The following TSC22D3 variants were observed in gnomAD, a reference collection of about 807,000 sequenced individuals.
TSC22D3 encodes the protein TSC22 domain family member 3.
A neutral mutation model predicts 11.1 loss-of-function variants in TSC22D3; 4 were observed. That is an observed-to-expected ratio of 0.36 (90% CI 0.18 to 0.83). The LOEUF is 0.83. Ranked by LOEUF, TSC22D3 falls within the 40% of genes least tolerant of loss-of-function variation. The pLI is 0.48. For missense variants in TSC22D3, 118 were observed against 159.4 expected (o/e 0.74, Z 1.40); for synonymous variants, 77 against 70.3 (o/e 1.10, Z -0.48).
intron 1 of TSC22D3, among the ~76,000 whole-genome samples, chrX:107,762,101 G>T (rs1298506494): frequency 8.9e-6 from 1 of 112,041 alleles, no homozygotes; most frequent in Non-Finnish European, 1.9e-5. Context: ...ATGGTTTGTT[G>T]TTCGCCACTG....
At chrX:107,774,822 T>C in intron 1 of TSC22D3, 2 of 385,455 alleles carry the variant, frequency 5.2e-6, no homozygotes, top group Non-Finnish European at 9.0e-6. Context: ...TACTTTCAGC[T>C]ACCTCCAAAC....
In TSC22D3 at chrX:107,721,857, A is replaced by G. The variant is rs1170950569; in HGVS notation, c.321-5907T>C. The G allele has an allele frequency of 7.7e-6, 4 of 516,542 alleles. No individual in the cohort carries two copies. The East Asian group carries it at 1.5e-4, about 19-fold the overall frequency. 42.6% of individuals were successfully genotyped at this position (516,542 alleles called of 1,213,427 possible). A position where few individuals can be genotyped will look rare whatever the true frequency, so the allele number is the denominator to read the frequency against. ...AAGCACTGTCTAGTTCTAATTACTTACTTGTCCCTTTTTCTGAAGAGGCTG... is the reference window on the plus strand; with the variant it reads ...AAGCACTGTCTAGTTCTAATTACTTGCTTGTCCCTTTTTCTGAAGAGGCTG... On this transcript the variant is annotated intron_variant, in intron 1 of 2. Coordinates refer to ENST00000372383, the MANE Select transcript of TSC22D3 (RefSeq NM_198057.3).
rs147111138 is a variant in TSC22D3 at position 107,728,058 on chromosome X, A to G, written c.321-12108T>C. On this transcript the variant is annotated intron_variant, in intron 1 of 2. Coordinates refer to ENST00000372383, the MANE Select transcript of TSC22D3 (RefSeq NM_198057.3). ...TGATTGGCTTTCTAGACTAGAATAT[A>G]AACCTTGTGAGGGCAGGGGCTTATC... is the stretch of plus-strand genomic sequence containing the variant. Among the ~76,000 whole-genome samples, 473 of 111,690 alleles carry G rather than the reference A, an allele frequency of 4.2e-3. 2 individuals are homozygous for G. The highest frequency in any genetic ancestry group is 0.015 in the African/African-American group (457 of 30,680).
intron 1 of TSC22D3, among the ~76,000 whole-genome samples, chrX:107,748,830 G>C (rs767297396): frequency 1.1e-4 from 12 of 112,382 alleles, no homozygotes; most frequent in Non-Finnish European, 2.1e-4. Context: ...GCAAATGCGA[G>C]GGATTATTAT....
chrX:107,756,160 C>T (rs368537204), intron 1 of TSC22D3, among the ~76,000 whole-genome samples: 12 of 112,204 alleles, frequency 1.1e-4, no homozygotes, highest in African/African-American at 3.6e-4. Flanking sequence ...TCTGCTAACA[C>T]ACAGTGTAGT....
chrX:107,746,513 C>G (rs768025687), intron 1 of TSC22D3, among the ~76,000 whole-genome samples: 5 of 111,251 alleles, frequency 4.5e-5, no homozygotes, highest in African/African-American at 1.6e-4. Context: ...AGGAGTACTA[C>G]TTCCATATAC....
intron 1 of TSC22D3, among the ~76,000 whole-genome samples, chrX:107,744,838 C>A (rs949479937): frequency 8.9e-6 from 1 of 111,972 alleles, no homozygotes; most frequent in African/African-American, 3.2e-5. Flanking sequence ...ATCTCTCTAA[C>A]TTGACCCAAA....
chrX:107,769,905 A>C (rs1252221837), intron 1 of TSC22D3, among the ~76,000 whole-genome samples: 3 of 112,230 alleles, frequency 2.7e-5, no homozygotes, highest in African/African-American at 9.7e-5. Flanking sequence ...ATGAATGTTA[A>C]GTTTGCAAAT....
chrX:107,736,316 T>C (rs1240868395), intron 1 of TSC22D3, among the ~76,000 whole-genome samples: 6 of 111,665 alleles, frequency 5.4e-5, no homozygotes, highest in Non-Finnish European at 3.8e-5. Flanking sequence ...AGTGATAGAA[T>C]TGGGAACAGG....
chrX:107,714,508 G>A lies in TSC22D3; in HGVS notation c.*11C>T. The A allele has an allele frequency of 8.3e-7, 1 of 1,205,566 alleles. No homozygotes were observed. The highest frequency in any genetic ancestry group is 2.2e-5 in the Admixed American group (1 of 45,870). On this transcript the variant is annotated 3_prime_UTR_variant, in exon 3 of 3. Transcript: ENST00000372383. ...GTTTAGTGGCTCTGCCCACCCTGAG[G>A]ACAGAGCCACTTACACCGCAGAACC...
intron 1 of TSC22D3, among the ~76,000 whole-genome samples, chrX:107,743,000 C>T (rs956776108): frequency 9.0e-6 from 1 of 111,545 alleles, no homozygotes; most frequent in Non-Finnish European, 1.9e-5. Context: ...GGGAGAGGGC[C>T]CTGTGGCCGG....
At chrX:107,736,923 A>G (rs972903103) in intron 1 of TSC22D3, among the ~76,000 whole-genome samples, 1 of 112,060 alleles carries the variant, frequency 8.9e-6, no homozygotes, top group Non-Finnish European at 1.9e-5. Context: ...AGCCTCTCCA[A>G]TTCTCAGTTC....
chrX:107,771,441 C>T (rs190630524), intron 1 of TSC22D3, among the ~76,000 whole-genome samples: 10 of 111,337 alleles, frequency 9.0e-5, no homozygotes, highest in East Asian at 8.5e-4. Context: ...AAAAATTAGC[C>T]GAGTGTGGTG....
chrX:107,762,590 A>G (rs766494758), intron 1 of TSC22D3, among the ~76,000 whole-genome samples: 24 of 110,688 alleles, frequency 2.2e-4, no homozygotes, highest in Non-Finnish European at 4.2e-4. Flanking sequence ...CTTTTATCCA[A>G]TTCTTTATCT....
In TSC22D3 at chrX:107,714,532, C is replaced by A. The variant is rs1926904885; in HGVS notation, c.590G>T (p.Gly197Val). The A allele has an allele frequency of 8.3e-7, 1 of 1,209,295 alleles. No individual in the cohort carries two copies. Among genetic ancestry groups the A allele is most frequent in the Admixed American group, 2.2e-5 (1 of 45,854 alleles). Reference sequence around the variant, plus strand: ...GGACAGAGCCACTTACACCGCAGAACCACCAGGGGCCTCGGGCACTTGTGG... The same window carrying A: ...GGACAGAGCCACTTACACCGCAGAAACACCAGGGGCCTCGGGCACTTGTGG... ...ESPQVPEAPG[G>V]SAV The change falls in exon 3 of 3, where the codon GGT becomes GTT. Residue 197 changes from glycine (G) to valine (V), a missense_variant. Physicochemically the swap from Gly to Val is moderately radical, Grantham distance 109. Transcript: ENST00000372383.
At chrX:107,730,086 G>A (rs754349945) in intron 1 of TSC22D3, among the ~76,000 whole-genome samples, 4 of 112,550 alleles carry the variant, frequency 3.6e-5, no homozygotes, top group Non-Finnish European at 7.5e-5. Flanking sequence ...TGGGCACTGC[G>A]CTAAAGACAT....
At chrX:107,749,954 T>C (rs1264057722) in intron 1 of TSC22D3, among the ~76,000 whole-genome samples, 3 of 111,687 alleles carry the variant, frequency 2.7e-5, no homozygotes, top group Non-Finnish European at 5.7e-5. Flanking sequence ...TAGAATGGGG[T>C]TGCAGCTTTA....
chrX:107,715,766 G>A (rs746407341), intron 2 of TSC22D3, 133 bp downstream of exon 2: 24 of 751,469 alleles, frequency 3.2e-5, no homozygotes, highest in East Asian at 6.5e-5. Flanking sequence ...CCTCCAGTGC[G>A]GATAGGAGGC....
intron 1 of TSC22D3, among the ~76,000 whole-genome samples, chrX:107,726,314 G>A (rs1342231190): frequency 9.0e-6 from 1 of 111,668 alleles, no homozygotes; most frequent in African/African-American, 3.3e-5. Context: ...CTAGGTTTGG[G>A]CTTAAATAAA....
Sources: gnomAD v4.1 joint callset for allele counts (sites outside exome capture counted in the v4.1 genomes callset) on GRCh38, gnomAD v4.1.1 for gene constraint, MANE v1.5 for transcripts, NCBI Gene and HGNC (gene_info 2026-07-23, HGNC 2026-07-21) for gene names.